Variants in KATNAL2 observed in about 807,000 individuals in gnomAD.
The protein encoded by KATNAL2 is katanin p60 ATPase-containing subunit A-like 2.
In KATNAL2, 52 loss-of-function variants were observed where a neutral mutation model predicts 76.3. The ratio of observed to expected loss-of-function variants is 0.68; its 90% CI spans 0.55 to 0.86. The LOEUF (loss-of-function observed/expected upper bound fraction) is 0.86, where lower values mean the gene tolerates loss of function less well. Ranked by LOEUF, KATNAL2 falls within the 40% of genes least tolerant of loss-of-function variation. The pLI, the probability that KATNAL2 is intolerant of heterozygous loss-of-function variation, is 0.00. For synonymous variants in KATNAL2, 243 were observed against 244.2 expected, an observed-to-expected ratio of 1.00 and a Z score of 0.05; for missense variants, 660 against 668.9, an observed-to-expected ratio of 0.99 and a Z score of 0.15.
intron 4 of KATNAL2, among the ~76,000 whole-genome samples, chr18:47,051,243 C>T (rs991527701): frequency 2.0e-5 from 3 of 151,810 alleles, no homozygotes; most frequent in African/African-American, 7.3e-5. Context: ...CTGGGCAGCA[C>T]AGCAAGACCG....
rs144481184 is a variant in KATNAL2 at position 47,034,174 on chromosome 18, A to T, written c.52-12283A>T. On this transcript the variant is annotated intron_variant, in intron 3 of 17. Transcript: ENST00000683218. ...CATATCTACCTCCTCCACCTCAGAG[A>T]GGGAGCTCACGGACGTTCTGTCCAA... The T allele has an allele frequency of 1.8e-5, 29 of 1,614,130 alleles. No homozygotes were observed. In the African/African-American group the frequency reaches 3.1e-4, roughly 17 times the overall value.
chr18:47,035,088 G>A (rs774097986), intron 3 of KATNAL2: 17 of 1,610,962 alleles, frequency 1.1e-5, no homozygotes, highest in Admixed American at 1.7e-5. Context: ...CCACGTGCTG[G>A]TGCTTCCGCA....
At chr18:46,927,010 C>T (rs1385339802) in intron 1 of KATNAL2, among the ~76,000 whole-genome samples, 1 of 152,168 alleles carries the variant, frequency 6.6e-6, no homozygotes, top group Non-Finnish European at 1.5e-5. Context: ...CTGAATACAG[C>T]ACGCTGATGG....
rs972517966 is a variant in KATNAL2 at position 46,936,234 on chromosome 18, T to C, written c.-509-9823T>C. On this transcript the variant is annotated intron_variant, in intron 1 of 17. Coordinates refer to ENST00000683218, the MANE Select transcript of KATNAL2 (RefSeq NM_001387690.1). The stretch of plus-strand genomic sequence containing the variant: ...TGATTAACAAACATAACCCAATTTA[T>C]ATATTAATGTTCACAAATGCATTAT... 6.6e-5 allele frequency among the ~76,000 whole-genome samples: 10 copies of C among 152,264 alleles called. No individual in the cohort carries two copies. The South Asian group carries it at 8.3e-4, about 13-fold the overall frequency.
chr18:46,941,382 C>T (rs2059242359), intron 1 of KATNAL2, among the ~76,000 whole-genome samples: 1 of 152,002 alleles, frequency 6.6e-6, no homozygotes, highest in South Asian at 2.1e-4. Flanking sequence ...CAGAAATCAC[C>T]TTACAAAACA....
At chr18:46,924,717 T>C (rs2058675410) in intron 1 of KATNAL2, among the ~76,000 whole-genome samples, 1 of 152,216 alleles carries the variant, frequency 6.6e-6, no homozygotes. Context: ...GAGCATGGAA[T>C]GTTCTTCCAT....
rs1026263063 is a variant in KATNAL2 at position 47,069,749 on chromosome 18, G to T, written c.1008+149G>T. On this transcript the variant is annotated intron_variant, in intron 13 of 17. Transcript: ENST00000683218. ...TTGATTACCAGCAGCTTGGGAAATG[G>T]ATTGTCTATTACGTGTGGATGTTAA... 14 of 570,850 alleles carry T rather than the reference G, an allele frequency of 2.5e-5. No homozygotes were observed. In the South Asian group the frequency reaches 3.7e-4, roughly 15 times the overall value. 35.4% of individuals were successfully genotyped at this position (570,850 alleles called of 1,614,324 possible).
intron 3 of KATNAL2, chr18:47,022,396 T>TTGC: frequency 6.8e-6 from 1 of 147,774 alleles, no homozygotes; most frequent in Non-Finnish European, 1.1e-5. Flanking sequence ...CGCGTGCCGG[T>TTGC]TGCTGCTGCC....
At chr18:46,957,051 A>AG (rs1299994125) in intron 3 of KATNAL2, among the ~76,000 whole-genome samples, 1 of 151,394 alleles carries the variant, frequency 6.6e-6, no homozygotes, top group Non-Finnish European at 1.5e-5. Flanking sequence ...AAAAAAAAAA[A>AG]AAAGAAAAAG....
chr18:47,052,733 A>G (rs1255272351), intron 4 of KATNAL2, 147 bp from the exon 5 acceptor site: 3 of 488,924 alleles, frequency 6.1e-6, no homozygotes, highest in Non-Finnish European at 1.0e-5. Flanking sequence ...TTTATAGGCA[A>G]ACCTCCTATG....
chr18:46,929,766 T>C (rs1037282219), intron 1 of KATNAL2, among the ~76,000 whole-genome samples: 5 of 152,190 alleles, frequency 3.3e-5, no homozygotes, highest in African/African-American at 1.2e-4. Context: ...GAAGTATGTT[T>C]AAATTTTTTA....
At chr18:46,928,605 C>T (rs2058806563) in intron 1 of KATNAL2, among the ~76,000 whole-genome samples, 1 of 152,166 alleles carries the variant, frequency 6.6e-6, no homozygotes, top group South Asian at 2.1e-4. Context: ...CTACTCTCTT[C>T]AAAGCTCAGT....
intron 1 of KATNAL2, among the ~76,000 whole-genome samples, chr18:46,933,259 G>A (rs988099423): frequency 1.3e-5 from 2 of 152,006 alleles, no homozygotes; most frequent in African/African-American, 4.8e-5. Flanking sequence ...TCTAGATGAC[G>A]ATATTCAAGG....
chr18:46,930,961 G>A (rs926011133), intron 1 of KATNAL2, among the ~76,000 whole-genome samples: 1 of 151,940 alleles, frequency 6.6e-6, no homozygotes, highest in South Asian at 2.1e-4. Flanking sequence ...AAATTAGCCA[G>A]GCATGGTGGC....
chr18:47,031,572 CTG>C (rs1245365345), intron 3 of KATNAL2, among the ~76,000 whole-genome samples: 2 of 152,062 alleles, frequency 1.3e-5, no homozygotes, highest in Non-Finnish European at 2.9e-5. Context: ...GGTAAATTTG[CTG>C]TGTTTCCAGA....
In KATNAL2 at chr18:46,960,427, CAAA is replaced by C. The variant is rs754973661; in HGVS notation, c.51+13516_51+13518del. Among the ~76,000 whole-genome samples the C allele has an allele frequency of 1.1e-3, 151 of 140,502 alleles. 1 individual carries two copies. The highest frequency in any genetic ancestry group is 3.9e-3 in the African/African-American group (147 of 38,124). 92.2% of individuals were successfully genotyped at this position (140,502 alleles called of 152,430 possible). ...CCTGGGCAACCCAAGAGCGAAACTT[CAAA>C]AAAAAAAAAAATGAACAGCAGTTTT... is the stretch of plus-strand genomic sequence containing the variant. On this transcript the variant is annotated intron_variant, in intron 3 of 17. Coordinates refer to ENST00000683218, the MANE Select transcript of KATNAL2 (RefSeq NM_001387690.1).
At chr18:47,042,052 T>C (rs1405338032) in intron 3 of KATNAL2, among the ~76,000 whole-genome samples, 1 of 152,210 alleles carries the variant, frequency 6.6e-6, no homozygotes, top group Non-Finnish European at 1.5e-5. Flanking sequence ...GGATTTTTTT[T>C]TTAGTGTTGA....
intron 14 of KATNAL2, chr18:47,076,734 CAT>C (rs1348025126): frequency 2.7e-5 from 4 of 150,176 alleles, no homozygotes; most frequent in African/African-American, 9.8e-5. Context: ...GATAATTAAA[CAT>C]ATAGCAAATA....
intron 8 of KATNAL2, among the ~76,000 whole-genome samples, chr18:47,060,275 C>T (rs2061593627): frequency 6.6e-6 from 1 of 152,126 alleles, no homozygotes; most frequent in Non-Finnish European, 1.5e-5. Context: ...AGGACATCTG[C>T]GTTATTTAGT....
Sources: allele counts gnomAD v4.1 joint callset (sites outside exome capture counted in the v4.1 genomes callset), GRCh38; gene constraint gnomAD v4.1.1; transcripts MANE v1.5; gene names NCBI Gene and HGNC (gene_info 2026-07-23, HGNC 2026-07-21).